The following TMOD2 variants were observed in gnomAD, a reference collection of about 807,000 sequenced individuals.
TMOD2 encodes the protein tropomodulin 2, also known as tropomodulin-2.
Under a neutral mutation model 39.9 loss-of-function variants are expected in TMOD2, and 22 were observed. That is an observed-to-expected ratio of 0.55 (90% CI 0.39 to 0.79). The LOEUF (loss-of-function observed/expected upper bound fraction) is 0.79, where lower values mean the gene tolerates loss of function less well. Among genes scored for constraint, TMOD2 ranks in the 30% least tolerant of loss-of-function variants. TMOD2 has a pLI of 0.00. For missense variants in TMOD2, 386 were observed against 413.3 expected (o/e 0.93, Z 0.57); for synonymous variants, 123 against 146.1 (o/e 0.84, Z 1.14).
chr15:51,809,513 C>T lies in TMOD2; in HGVS notation c.*1059C>T, dbSNP rs1235215061. On this transcript the variant is annotated 3_prime_UTR_variant, in exon 10 of 10. Transcript: ENST00000249700. ...GTGAATTATTTATCCAGATGCATGT[C>T]ATCTCAAGGACAAAGCCTGTGAAAG... 6.6e-6 allele frequency: 1 copy of T among 152,238 alleles called. No individual in the cohort carries two copies. Among genetic ancestry groups the T allele is most frequent in the East Asian group, 1.9e-4 (1 of 5,208 alleles). The allele number at this position is 152,238 out of a possible 1,614,324, so 9.4% of individuals were successfully genotyped here.
Position 51,768,355 on chromosome 15 carries a change from GAGA to G in TMOD2, c.223_225del (p.Lys75del), listed in dbSNP as rs767584704. 2 of 1,614,178 alleles carry G rather than the reference GAGA, an allele frequency of 1.2e-6. No homozygotes were observed. Among genetic ancestry groups the G allele is most frequent in the Non-Finnish European group, 1.7e-6 (2 of 1,180,026 alleles). ...CCGCGAGCACCTCCTCATGTACCTG[GAGA>G]AGGAGGCTTTGGAACAGAAAGACAG... On this transcript the variant is annotated inframe_deletion, in exon 3 of 10. Coordinates refer to ENST00000249700, the MANE Select transcript of TMOD2 (RefSeq NM_014548.4).
At chr15:51,784,304 C>A (rs2055953927) in intron 7 of TMOD2, 1 of 152,118 alleles carries the variant, frequency 6.6e-6, no homozygotes, top group Non-Finnish European at 1.5e-5. Flanking sequence ...AATGCTCAGC[C>A]CTTGAATCGA....
intron 9 of TMOD2, among the ~76,000 whole-genome samples, 159 bp downstream of exon 9, chr15:51,806,680 C>A (rs1799495753): frequency 6.6e-6 from 1 of 152,216 alleles, no homozygotes; most frequent in African/African-American, 2.4e-5. Flanking sequence ...TCATAGGAGT[C>A]TTTGTGGTCC....
chr15:51,753,741 A>C (rs2055723063), intron 1 of TMOD2, among the ~76,000 whole-genome samples: 1 of 151,848 alleles, frequency 6.6e-6, no homozygotes, highest in Non-Finnish European at 1.5e-5. Flanking sequence ...TGACATCTGC[A>C]ACTTTCAGCT....
chr15:51,796,638 G>A (rs1254039180), intron 7 of TMOD2, among the ~76,000 whole-genome samples: 2 of 152,204 alleles, frequency 1.3e-5, no homozygotes, highest in Non-Finnish European at 2.9e-5. Flanking sequence ...ACTAGGCACA[G>A]TAAGAGATTA....
chr15:51,782,607 G>T, intron 6 of TMOD2, 114 bp from the exon 7 acceptor site: 1 of 789,166 alleles, frequency 1.3e-6, no homozygotes, highest in Non-Finnish European at 2.1e-6. Flanking sequence ...TCATTTAGAA[G>T]GGATATCGTG....
intron 1 of TMOD2, among the ~76,000 whole-genome samples, chr15:51,761,913 C>A (rs1324142948): frequency 6.6e-6 from 1 of 151,662 alleles, no homozygotes; most frequent in Non-Finnish European, 1.5e-5. Context: ...TTTGGGAGGC[C>A]GAAACAGGCA....
In TMOD2 at chr15:51,813,429, G is replaced by A. The variant is rs1174971835; in HGVS notation, c.*4975G>A. ...ACTGATGACCTAGACATAGAAAAGA[G>A]TAGTTAACTAACTAGATGTTCTTCT... On this transcript the variant is annotated 3_prime_UTR_variant, in exon 10 of 10. Coordinates refer to ENST00000249700, the MANE Select transcript of TMOD2 (RefSeq NM_014548.4). The A allele has an allele frequency of 6.6e-6, 1 of 152,184 alleles. No individual in the cohort carries two copies. The highest frequency in any genetic ancestry group is 2.4e-5 in the African/African-American group (1 of 41,430). The allele number at this position is 152,184 out of a possible 1,614,324, so 9.4% of individuals were successfully genotyped here.
intron 1 of TMOD2, among the ~76,000 whole-genome samples, chr15:51,757,631 A>C (rs1217198263): frequency 1.3e-5 from 2 of 152,164 alleles, no homozygotes; most frequent in Admixed American, 6.5e-5. Context: ...ATCATATTGC[A>C]TGTTAAATGC....
In TMOD2 at chr15:51,766,547, C is replaced by A; in HGVS notation, c.106C>A (p.Leu36Ile). The A allele has an allele frequency of 6.2e-7, 1 of 1,613,988 alleles. No homozygotes were observed. Among genetic ancestry groups the A allele is most frequent in the Non-Finnish European group, 8.5e-7 (1 of 1,179,956 alleles). ...GGAACTGAAACAGTTGGAAAATGTT[C>A]TAGATGACCTAGATCCTGAGGTTAG... ...EEELKQLENVLDDLDPESAML... is the reference protein window; with the variant it reads ...EEELKQLENVIDDLDPESAML... The change falls in exon 2 of 10, where the codon CTA (leucine) becomes ATA (isoleucine). Residue 36 changes from leucine (L) to isoleucine (I), a missense_variant. Coordinates refer to ENST00000249700, the MANE Select transcript of TMOD2 (RefSeq NM_014548.4).
At chr15:51,775,969 G>A (rs2055886093) in intron 4 of TMOD2, among the ~76,000 whole-genome samples, 2 of 152,152 alleles carry the variant, frequency 1.3e-5, no homozygotes, top group Non-Finnish European at 2.9e-5. Context: ...TGGTAATAAA[G>A]TATAATTATT....
chr15:51,755,167 T>C (rs1173123855), intron 1 of TMOD2, among the ~76,000 whole-genome samples: 5 of 152,232 alleles, frequency 3.3e-5, no homozygotes, highest in Non-Finnish European at 7.3e-5. Context: ...AAAAAGTCAA[T>C]TCTACGTAAC....
intron 8 of TMOD2, among the ~76,000 whole-genome samples, chr15:51,801,587 A>G (rs963789885): frequency 2.6e-5 from 4 of 152,158 alleles, no homozygotes; most frequent in Admixed American, 6.5e-5. Context: ...AGAATCCACC[A>G]CTGGGGGCAG....
rs754650607 is a variant in TMOD2, at chr15:51,798,349, G to A, written c.876+9G>A. The A allele has an allele frequency of 1.2e-6, 2 of 1,613,006 alleles. No homozygotes were observed. Among genetic ancestry groups the A allele is most frequent in the South Asian group, 2.2e-5 (2 of 90,784 alleles). The stretch of plus-strand genomic sequence containing the variant: ...TCAAGATTGACAACCAGGTAAGGAA[G>A]GCCAGAGAATAGGCAAAGTCAACTC... On this transcript the variant is annotated intron_variant, in intron 8 of 9. Transcript: ENST00000249700.
chr15:51,773,683 A>T, intron 3 of TMOD2, 29 bp from the exon 4 acceptor site: 1 of 1,586,992 alleles, frequency 6.3e-7, no homozygotes, highest in Non-Finnish European at 8.5e-7. Context: ...AGTAGTACTC[A>T]ATATTTTTGT....
rs970765709 is a variant in TMOD2 at position 51,814,156 on chromosome 15, A to G, written c.*5702A>G. The G allele has an allele frequency of 1.3e-5, 2 of 152,284 alleles. No individual in the cohort carries two copies. Among genetic ancestry groups the G allele is most frequent in the Admixed American group, 1.3e-4 (2 of 15,274 alleles). 9.4% of individuals were successfully genotyped at this position (152,284 alleles called of 1,614,324 possible). A position where few individuals can be genotyped will look rare whatever the true frequency, so the allele number is the denominator to read the frequency against. ...CAAGGGAGAAAGCGAACAGTTGACT[A>G]AGAATTGAGGGGAGGGTCTGGAGCG... On this transcript the variant is annotated 3_prime_UTR_variant, in exon 10 of 10. Coordinates refer to ENST00000249700, the MANE Select transcript of TMOD2 (RefSeq NM_014548.4).
intron 8 of TMOD2, among the ~76,000 whole-genome samples, chr15:51,800,498 T>C (rs868082571): frequency 3.9e-5 from 6 of 152,096 alleles, no homozygotes; most frequent in African/African-American, 7.2e-5. Context: ...ATCATGCCAC[T>C]GCACTCCAGC....
At chr15:51,800,756 A>G (rs1418239189) in intron 8 of TMOD2, among the ~76,000 whole-genome samples, 1 of 152,112 alleles carries the variant, frequency 6.6e-6, no homozygotes, top group African/African-American at 2.4e-5. Context: ...CCCAGGCTAG[A>G]GTACAATGAT....
At chr15:51,757,516 G>C (rs2055750742) in intron 1 of TMOD2, among the ~76,000 whole-genome samples, 2 of 151,730 alleles carry the variant, frequency 1.3e-5, no homozygotes, top group Admixed American at 6.6e-5. Flanking sequence ...ATCAGCTCAA[G>C]TCTTTAATCC....
Sources: allele counts gnomAD v4.1 joint callset (sites outside exome capture counted in the v4.1 genomes callset), GRCh38; gene constraint gnomAD v4.1.1; transcripts MANE v1.5; gene names NCBI Gene and HGNC (gene_info 2026-07-23, HGNC 2026-07-21).